Variants in CDK18 observed in about 807,000 individuals in gnomAD.
CDK18 encodes the protein cyclin-dependent kinase 18.
CDK18 carries 52 observed loss-of-function variants against 62.0 expected under a neutral mutation model. The ratio of observed to expected loss-of-function variants is 0.84; its 90% confidence interval spans 0.67 to 1.06. The LOEUF (loss-of-function observed/expected upper bound fraction) is 1.06. CDK18 is among the 50% of genes least tolerant of loss of function. CDK18 has a pLI of 0.00. For missense variants in CDK18, 604 were observed against 619.9 expected (o/e 0.97, Z 0.27); for synonymous variants, 237 against 247.0 (o/e 0.96, Z 0.38).
At chr1:205,518,263 A>AC (rs1366485966) in intron 1 of CDK18, among the ~76,000 whole-genome samples, 1 of 151,228 alleles carries the variant, frequency 6.6e-6, no homozygotes, top group Non-Finnish European at 1.5e-5. Context: ...TATTGTCCGC[A>AC]CCCCCCTACC....
chr1:205,515,087 G>C lies in CDK18; in HGVS notation c.-21-8060G>C, dbSNP rs562531440. Among the ~76,000 whole-genome samples, 34 of 152,112 alleles carry C rather than the reference G, an allele frequency of 2.2e-4. No homozygotes were observed. The South Asian group carries it at 7.1e-3, about 32-fold the overall frequency. ...CCTTCTGGGGAGGGGTGAGAGCTGA[G>C]GCTCAAGAAGACAGGGATCCAAAAG... On this transcript the variant is annotated intron_variant, in intron 1 of 15. Transcript: ENST00000429964.
In CDK18 at chr1:205,516,776, G is replaced by A. The variant is rs1019066041; in HGVS notation, c.-21-6371G>A. 6.6e-6 allele frequency: 1 copy of A among 152,310 alleles called. No homozygotes were observed. The highest frequency in any genetic ancestry group is 2.1e-4 in the South Asian group (1 of 4,836). The allele number at this position is 152,310 out of a possible 1,614,324, so 9.4% of individuals were successfully genotyped here. ...AATGAAGAGGGGCAAAGCCAGAGAC[G>A]AAGGGGCCCCAGATCTTGAAGGGCC... On this transcript the variant is annotated intron_variant, in intron 1 of 15. Transcript: ENST00000429964. This position sits in a 1 kb window ranked among gnomAD's most constrained non-coding sequence, Gnocchi z 4.8.
At chr1:205,521,073 A>G (rs1668097631) in intron 1 of CDK18, among the ~76,000 whole-genome samples, 1 of 152,222 alleles carries the variant, frequency 6.6e-6, no homozygotes, top group African/African-American at 2.4e-5. Context: ...AGGAAGCCAG[A>G]GGAAGCGCTT....
chr1:205,529,934 T>G, intron 13 of CDK18: 1 of 1,385,136 alleles, frequency 7.2e-7, no homozygotes, highest in Non-Finnish European at 9.4e-7. Context: ...GATGAAGGGT[T>G]GTTATCGGCA....
rs915729647 is a variant in CDK18 at position 205,530,656 on chromosome 1, C to A, written c.1341C>A (p.Ile447=). 10 of 1,613,860 alleles carry A rather than the reference C, an allele frequency of 6.2e-6. No homozygotes were observed. Among genetic ancestry groups the A allele is most frequent in the Admixed American group, 1.7e-5 (1 of 60,004 alleles). Residue 447 remains isoleucine (I), a synonymous_variant, in exon 15 of 16, where the codon ATC becomes ATA. Transcript: ENST00000429964. ...CCTCCATCTTCTCCCTGAAGGAGAT[C>A]CAGCTCCAGAAGGACCCAGGCTACC... ...DTASIFSLKE[I]QLQKDPGYRG...
At chr1:205,508,717 G>A (rs1258644913) in intron 1 of CDK18, among the ~76,000 whole-genome samples, 8 of 152,166 alleles carry the variant, frequency 5.3e-5, no homozygotes, top group South Asian at 4.1e-4. Flanking sequence ...GGTGGCACGC[G>A]CCTGTAGTCC....
intron 1 of CDK18, among the ~76,000 whole-genome samples, chr1:205,518,545 G>A (rs1453425878): frequency 1.3e-5 from 2 of 152,228 alleles, no homozygotes; most frequent in Non-Finnish European, 2.9e-5. Context: ...AGGGCGGGGA[G>A]GGCTCCAGGT....
At chr1:205,530,575 C>T in intron 14 of CDK18, 53 bp from the exon 15 acceptor site, 2 of 1,529,928 alleles carry the variant, frequency 1.3e-6, no homozygotes, top group African/African-American at 1.4e-5. Flanking sequence ...CCAGTCCTTA[C>T]TGGAGGCCAG....
intron 1 of CDK18, among the ~76,000 whole-genome samples, chr1:205,510,856 C>G (rs1199559120): frequency 6.6e-6 from 1 of 152,230 alleles, no homozygotes; most frequent in Non-Finnish European, 1.5e-5. Context: ...GTCCTGCTAA[C>G]AAGGTGAGCT....
chr1:205,507,271 C>G (rs901625214), intron 1 of CDK18, among the ~76,000 whole-genome samples: 8 of 152,192 alleles, frequency 5.3e-5, no homozygotes, highest in Admixed American at 1.3e-4. Context: ...CCCTCACTAG[C>G]ACACTCGTGA....
intron 1 of CDK18, among the ~76,000 whole-genome samples, chr1:205,513,738 C>T (rs1558769314): frequency 6.6e-6 from 1 of 152,334 alleles, no homozygotes; most frequent in South Asian, 2.1e-4. Context: ...CTCCGAACCC[C>T]TTCCCCACAG....
chr1:205,523,461 A>T, intron 2 of CDK18, 22 bp from the exon 3 acceptor site: 1 of 1,593,514 alleles, frequency 6.3e-7, no homozygotes, highest in Non-Finnish European at 8.5e-7. Flanking sequence ...CAGGGAGGGG[A>T]GCTGACGCCT....
intron 1 of CDK18, among the ~76,000 whole-genome samples, chr1:205,507,633 C>CA (rs56313401): frequency 0.015 from 1,066 of 72,136 alleles, 87 homozygotes; most frequent in African/African-American, 0.025. Flanking sequence ...GACTCCGTCT[C>CA]AAAAAAAAAA....
chr1:205,514,939 G>A (rs1462516265), intron 1 of CDK18, among the ~76,000 whole-genome samples: 2 of 152,304 alleles, frequency 1.3e-5, no homozygotes, highest in East Asian at 1.9e-4. Flanking sequence ...CATGAGTTGA[G>A]TTTGGGAGTG....
chr1:205,510,079 C>CAAAAAAAAAAAAAA (rs200884428), intron 1 of CDK18, among the ~76,000 whole-genome samples: 1 of 131,898 alleles, frequency 7.6e-6, no homozygotes. Context: ...GACTTTGTCT[C>CAAAAAAAAAAAAAA]AAAAAAAAAA....
chr1:205,518,607 G>A (rs1315391808), intron 1 of CDK18, among the ~76,000 whole-genome samples: 3 of 152,226 alleles, frequency 2.0e-5, no homozygotes, highest in Non-Finnish European at 4.4e-5. Flanking sequence ...CAACAACCAG[G>A]AAATTGCTGC....
rs1027758678 is a variant in CDK18 at position 205,526,456 on chromosome 1, T to C, written c.661T>C (p.Tyr221His). 8 of 1,611,796 alleles carry C rather than the reference T, an allele frequency of 5.0e-6. No homozygotes were observed. The highest frequency in any genetic ancestry group is 6.8e-6 in the Non-Finnish European group (8 of 1,178,094). The part of the protein sequence containing the change: ...TDRSLTLVFE[Y>H]LDSDLKQYLD... ...TCGGTCCCTCACCCTGGTGTTTGAG[T>C]ACCTGGTGAGAGTCCGGCTGGGGCT... The change falls in exon 7 of 16, where the codon TAC becomes CAC. Residue 221 changes from tyrosine to histidine, a missense_variant. By Grantham distance (83) the Tyr-to-His change is moderately conservative. Transcript: ENST00000429964.
rs1043507000 is a variant in CDK18, at chr1:205,530,518, C to G, written c.1313-110C>G. The G allele has an allele frequency of 9.3e-5, 114 of 1,221,704 alleles. 1 individual carries two copies. In the Admixed American group the frequency reaches 2.1e-3, roughly 22 times the overall value. The allele number at this position is 1,221,704 out of a possible 1,614,324, so 75.7% of individuals were successfully genotyped here. ...TCTCATTCCAAATTGAGGGGGCAAA[C>G]AGTGGAAATGAGACGCTGCCTCGAG... On this transcript the variant is annotated intron_variant, in intron 14 of 15. Transcript: ENST00000429964.
intron 1 of CDK18, among the ~76,000 whole-genome samples, chr1:205,509,358 T>C (rs1428152739): frequency 6.6e-6 from 1 of 152,162 alleles, no homozygotes; most frequent in Non-Finnish European, 1.5e-5. Flanking sequence ...GGAGTCGGGA[T>C]AGACAAGATG....
Sources: gnomAD v4.1 joint callset for allele counts (sites outside exome capture counted in the v4.1 genomes callset) on GRCh38, gnomAD v4.1.1 for gene constraint, Gnocchi (gnomAD v3.1) non-coding constraint, MANE v1.5 for transcripts, NCBI Gene and HGNC (gene_info 2026-07-23, HGNC 2026-07-21) for gene names.